Variants in ZSCAN18 observed in about 807,000 individuals in gnomAD.
ZSCAN18 encodes the protein zinc finger and SCAN domain containing 18.
In ZSCAN18, 16 loss-of-function variants were observed where a neutral mutation model predicts 31.1. The ratio of observed to expected loss-of-function variants is 0.51; its 90% confidence interval spans 0.35 to 0.78. The LOEUF is 0.78. ZSCAN18 is among the 30% of genes least tolerant of loss of function. The probability of loss-of-function intolerance (pLI) is 0.01; values close to 1 mark genes in which losing one functional copy is unlikely to be tolerated. For synonymous variants in ZSCAN18, 375 were observed against 320.7 expected (o/e 1.17, Z -1.81); for missense variants, 731 against 697.4 (o/e 1.05, Z -0.54).
intron 6 of ZSCAN18, chr19:58,085,697 A>C: frequency 4.7e-6 from 2 of 423,038 alleles, no homozygotes; most frequent in Non-Finnish European, 4.2e-6. Flanking sequence ...GCTTGGCCAC[A>C]AGATGCACGA....
chr19:58,084,640 C>T lies in ZSCAN18; in HGVS notation c.*45G>A. The T allele has an allele frequency of 7.0e-7, 1 of 1,428,046 alleles. No homozygotes were observed. The highest frequency in any genetic ancestry group is 9.1e-7 in the Non-Finnish European group (1 of 1,094,192). 88.5% of individuals were successfully genotyped at this position (1,428,046 alleles called of 1,614,324 possible). ...AAGGCCCAATGCCTCGTCTGGGATT[C>T]ACGGCCGGCAAAGCGGCCCCTCCGG... On this transcript the variant is annotated 3_prime_UTR_variant, in exon 7 of 7. Transcript: ENST00000601144. The surrounding 1 kb of genome is among the most constrained non-coding windows in gnomAD (Gnocchi z 4.5).
rs753315341 is a variant in ZSCAN18 at position 58,087,357 on chromosome 19, C to G, written c.601G>C (p.Glu201Gln). ...PLFLEQRRVR[E>Q]AKTEEDGPAN... ...GGGCCGTCCTCTTCGGTCTTTGCTT[C>G]TCTGACCCTCCTCTGTTCCAGAAAC... The change falls in exon 4 of 7, where the codon GAA (glutamate) becomes CAA (glutamine). Residue 201 changes from glutamate (E) to glutamine (Q), a missense_variant. Physicochemically the swap from Glu to Gln is conservative, Grantham distance 29 (BLOSUM62 2). Around this residue, in one of 4 missense-constraint regions of ZSCAN18, gnomAD observed 597 missense variants for 499.5 expected, o/e 1.20. Coordinates refer to ENST00000601144, the MANE Select transcript of ZSCAN18 (RefSeq NM_001145543.2). 1.2e-6 allele frequency: 2 copies of G among 1,607,882 alleles called. No homozygotes were observed. Among genetic ancestry groups the G allele is most frequent in the Non-Finnish European group, 1.7e-6 (2 of 1,177,178 alleles).
chr19:58,097,880 G>T, intron 1 of ZSCAN18: 1 of 959,734 alleles, frequency 1.0e-6, no homozygotes. Flanking sequence ...TGCCCTAAGC[G>T]CCTCCCCTCC....
upstream of ZSCAN18, among the ~76,000 whole-genome samples, chr19:58,102,391 G>A (rs1159234516): frequency 1.3e-5 from 2 of 152,134 alleles, no homozygotes; most frequent in Non-Finnish European, 2.9e-5. Flanking sequence ...AACCCGGGAG[G>A]CAGAGCTTGC....
At chr19:58,089,749 T>C in intron 2 of ZSCAN18, 116 bp downstream of exon 2, 4 of 1,305,440 alleles carry the variant, frequency 3.1e-6, no homozygotes, top group East Asian at 2.4e-5. Flanking sequence ...ACCAAGGAGC[T>C]GCCTCAGCAG....
At chr19:58,091,051 C>T (rs1233471601) in intron 1 of ZSCAN18, among the ~76,000 whole-genome samples, 1 of 151,430 alleles carries the variant, frequency 6.6e-6, no homozygotes, top group Non-Finnish European at 1.5e-5. Context: ...GGGTGGATAA[C>T]CTGAGGTCAG....
intron 1 of ZSCAN18, among the ~76,000 whole-genome samples, chr19:58,105,291 G>A (rs990327413): frequency 1.3e-5 from 2 of 152,138 alleles, no homozygotes; most frequent in African/African-American, 4.8e-5. Context: ...TGTTGTTCTC[G>A]CAACTGCCAA....
chr19:58,096,891 G>T (rs1332577922), intron 1 of ZSCAN18, among the ~76,000 whole-genome samples: 3 of 152,120 alleles, frequency 2.0e-5, no homozygotes, highest in Non-Finnish European at 4.4e-5. Context: ...TGCCTTTTGT[G>T]GTCCCTGATC....
rs762724466 is a variant in ZSCAN18, at chr19:58,085,263, A to G, written c.955T>C (p.Ser319Pro). 1 of 1,603,880 alleles carries G rather than the reference A, an allele frequency of 6.2e-7. No individual in the cohort carries two copies. Among genetic ancestry groups the G allele is most frequent in the African/African-American group, 1.3e-5 (1 of 74,734 alleles). ...TCTTCCTCCTCCTCAGTGGTGCCCG[A>G]CGGGGGATCGGCAAGGGCGTCCCCA... ...PPGDALADPPSGTTEEEEEQP... is the reference protein window; with the variant it reads ...PPGDALADPPPGTTEEEEEQP... Residue 319 changes from serine (S) to proline (P), a missense_variant, in exon 7 of 7, where the codon TCG becomes CCG. Physicochemically the swap from Ser to Pro is moderately conservative, Grantham distance 74. Transcript: ENST00000601144.
Position 58,088,687 on chromosome 19 carries a change from CG to C in ZSCAN18, c.553del (p.Trp186GlyfsTer31). 1 of 1,607,980 alleles carries C rather than the reference CG, an allele frequency of 6.2e-7. No homozygotes were observed. The highest frequency in any genetic ancestry group is 8.5e-7 in the Non-Finnish European group (1 of 1,179,770). Reference protein sequence around the residue: ...AGEIPAPSETPWLSPDPLFLE... With the variant: ...AGEIPAPSETXWLSPDPLFLE... ...GGCTGCCAGGCTAGCTGGGCACTCA[CG>C]TGTCTCAGAAGGTGCCGGGATCTCC... is the stretch of plus-strand genomic sequence containing the variant. On this transcript the variant is annotated frameshift_variant and splice_region_variant, in exon 3 of 7. Transcript: ENST00000601144. LOFTEE classifies it high-confidence loss of function.
In ZSCAN18 at chr19:58,098,157, C is replaced by T. The variant is rs2074557107; in HGVS notation, c.-120+17G>A. On this transcript the variant is annotated intron_variant, in intron 1 of 6. Transcript: ENST00000601144. ...TCGCTCTCTGACCCCCGCGCTGCAT[C>T]CCCGGGACCGACCCACCTGCTGCGC... 2 of 985,550 alleles carry T rather than the reference C, an allele frequency of 2.0e-6. No homozygotes were observed. The highest frequency in any genetic ancestry group is 2.4e-6 in the Non-Finnish European group (2 of 830,030). 61.1% of individuals were successfully genotyped at this position (985,550 alleles called of 1,614,324 possible).
At chr19:58,098,116 G>A in intron 1 of ZSCAN18, 58 bp downstream of exon 1, 1 of 985,374 alleles carries the variant, frequency 1.0e-6, no homozygotes. Context: ...CGTCCTCACC[G>A]TCTACCCTGT....
intron 1 of ZSCAN18, chr19:58,109,026 T>C: frequency 8.2e-7 from 1 of 1,216,914 alleles, no homozygotes; most frequent in Non-Finnish European, 1.0e-6. Flanking sequence ...GAGGACCTCT[T>C]TGACATGAAG....
At chr19:58,101,540 GAC>G (rs2074595223), upstream of ZSCAN18, among the ~76,000 whole-genome samples, 2 of 133,150 alleles carry the variant, frequency 1.5e-5, no homozygotes, top group Non-Finnish European at 3.1e-5. Context: ...TTTTTTTTGA[GAC>G]AGAGTCTTGC....
upstream of ZSCAN18, chr19:58,098,253 C>A (rs973294861): frequency 1.0e-5 from 10 of 985,398 alleles, no homozygotes; most frequent in South Asian, 4.7e-5. Flanking sequence ...TGCGCCTGCG[C>A]ACTGGGCCTC....
chr19:58,084,528 G>C lies in ZSCAN18; in HGVS notation c.*157C>G. 1 of 698,336 alleles carries C rather than the reference G, an allele frequency of 1.4e-6. No individual in the cohort carries two copies. Among genetic ancestry groups the C allele is most frequent in the South Asian group, 2.7e-5 (1 of 37,124 alleles). The allele number at this position is 698,336 out of a possible 1,614,324, so 43.3% of individuals were successfully genotyped here. A position where few individuals can be genotyped will look rare whatever the true frequency, so the allele number is the denominator to read the frequency against. On this transcript the variant is annotated 3_prime_UTR_variant, in exon 7 of 7. Coordinates refer to ENST00000601144, the MANE Select transcript of ZSCAN18 (RefSeq NM_001145543.2). This position sits in a 1 kb window ranked among gnomAD's most constrained non-coding sequence, Gnocchi z 4.5. ...GGGCTTCCCGTGGACCCTTCTCGTT[G>C]GGAGCGCTTAGCCTCAGGAGCGGAT...
intron 1 of ZSCAN18, among the ~76,000 whole-genome samples, chr19:58,094,783 T>C (rs1369139243): frequency 6.8e-6 from 1 of 146,290 alleles, no homozygotes; most frequent in Non-Finnish European, 1.5e-5. Flanking sequence ...GAGACTGAGG[T>C]TGGAGGATCA....
intron 1 of ZSCAN18, among the ~76,000 whole-genome samples, chr19:58,095,103 C>T (rs73941505): frequency 0.054 from 8,236 of 152,134 alleles, 740 homozygotes; most frequent in African/African-American, 0.18. Context: ...CAGGTGGGTA[C>T]GCTAACCCCT....
intron 1 of ZSCAN18, among the ~76,000 whole-genome samples, chr19:58,095,385 T>C (rs767268585): frequency 1.3e-5 from 2 of 152,102 alleles, no homozygotes; most frequent in Non-Finnish European, 2.9e-5. Context: ...AAGGTGCAAG[T>C]GGGAAATAGA....
Sources: allele counts gnomAD v4.1 joint callset (sites outside exome capture counted in the v4.1 genomes callset), GRCh38; gene constraint gnomAD v4.1.1; regional missense constraint gnomAD v4.1.1; non-coding constraint Gnocchi (gnomAD v3.1); transcripts MANE v1.5; gene names NCBI Gene and HGNC (gene_info 2026-07-23, HGNC 2026-07-21).